MAST4: variants seen among roughly 807,000 people sequenced by gnomAD.
MAST4 encodes microtubule-associated serine/threonine-protein kinase 4.
Under a neutral mutation model 162.7 loss-of-function variants are expected in MAST4, and 89 were observed. The ratio of observed to expected loss-of-function variants is 0.55; its 90% confidence interval spans 0.46 to 0.65. The LOEUF is 0.65. Ranked by LOEUF, MAST4 falls within the 30% of genes least tolerant of loss-of-function variation. The probability of loss-of-function intolerance (pLI) is 0.00; values close to 1 mark genes in which losing one functional copy is unlikely to be tolerated. For missense variants in MAST4, 3,153 were observed against 3,374.0 expected (o/e 0.93, Z 1.62); for synonymous variants, 1,479 against 1,361.1 (o/e 1.09, Z -1.91).
intron 1 of MAST4, among the ~76,000 whole-genome samples, chr5:66,732,779 G>A (rs925640001): frequency 6.6e-6 from 1 of 152,216 alleles, no homozygotes; most frequent in Non-Finnish European, 1.5e-5. Context: ...AGGAAAATAA[G>A]TAGATTGGAT....
intron 4 of MAST4, among the ~76,000 whole-genome samples, chr5:66,952,313 C>T (rs1027277628): frequency 2.0e-5 from 3 of 152,170 alleles, no homozygotes; most frequent in Non-Finnish European, 4.4e-5. Flanking sequence ...GCCTTGCCCA[C>T]AGTGAACACT....
At chr5:67,032,850 A>G (rs970322826) in intron 4 of MAST4, among the ~76,000 whole-genome samples, 1 of 152,138 alleles carries the variant, frequency 6.6e-6, no homozygotes, top group African/African-American at 2.4e-5. Context: ...GTAACTACAA[A>G]TAACATCTAG....
chr5:67,133,657 G>T lies in MAST4; in HGVS notation c.2226+11G>T, dbSNP rs1174401375. The T allele has an allele frequency of 6.2e-7, 1 of 1,612,186 alleles. No homozygotes were observed. The highest frequency in any genetic ancestry group is 8.5e-7 in the Non-Finnish European group (1 of 1,178,862). ...TTCCTGGATAAACAGGTAAGCTTGG[G>T]TGCCATTTAGTTTATTGAGAAATAC... On this transcript the variant is annotated intron_variant, in intron 17 of 28. Coordinates refer to ENST00000403625, the MANE Select transcript of MAST4 (RefSeq NM_001164664.2).
At chr5:66,974,317 A>G (rs1747844374) in intron 4 of MAST4, among the ~76,000 whole-genome samples, 1 of 152,206 alleles carries the variant, frequency 6.6e-6, no homozygotes, top group Non-Finnish European at 1.5e-5. Flanking sequence ...GACCTCAACA[A>G]CTACTTGTTA....
At chr5:66,790,360 T>C (rs1755342323) in intron 3 of MAST4, among the ~76,000 whole-genome samples, 1 of 152,300 alleles carries the variant, frequency 6.6e-6, no homozygotes, top group South Asian at 2.1e-4. Context: ...AAAGAGGCAT[T>C]AAACAGTCTA....
chr5:66,908,962 A>T (rs1763561248), intron 4 of MAST4, among the ~76,000 whole-genome samples: 1 of 152,260 alleles, frequency 6.6e-6, no homozygotes, highest in Non-Finnish European at 1.5e-5. Flanking sequence ...TGTTTATGAC[A>T]GTACCTGGCA....
At chr5:66,919,896 CTCTCCTTCCT>C (rs1161150815) in intron 4 of MAST4, among the ~76,000 whole-genome samples, 1 of 146,914 alleles carries the variant, frequency 6.8e-6, no homozygotes, top group Non-Finnish European at 1.5e-5. Flanking sequence ...CTATTTTTCT[CTCTCCTTCCT>C]TCCTTCCTTC....
chr5:66,963,094 T>C (rs80340924), intron 4 of MAST4, among the ~76,000 whole-genome samples: 1 of 152,164 alleles, frequency 6.6e-6, no homozygotes, highest in African/African-American at 2.4e-5. Flanking sequence ...TAATGGTTCA[T>C]TGACAGTTGG....
intron 4 of MAST4, among the ~76,000 whole-genome samples, chr5:66,907,411 C>T (rs1250460097): frequency 2.0e-5 from 3 of 152,182 alleles, no homozygotes; most frequent in Admixed American, 6.5e-5. Flanking sequence ...GGTATTTCAG[C>T]CTCCAGGCTG....
intron 1 of MAST4, among the ~76,000 whole-genome samples, chr5:66,687,344 T>C (rs1580196735): frequency 6.6e-6 from 1 of 152,146 alleles, no homozygotes; most frequent in East Asian, 1.9e-4. Flanking sequence ...TGATTTTCTG[T>C]TTCTGAGTTA....
At chr5:66,983,158 A>G (rs935269799) in intron 4 of MAST4, among the ~76,000 whole-genome samples, 6 of 152,142 alleles carry the variant, frequency 3.9e-5, no homozygotes, top group East Asian at 1.9e-4. Context: ...CATCATACCT[A>G]TATGTACCTT....
rs1269522051 is a variant in MAST4, at chr5:66,963,798, T to C, written c.674+63816T>C. On this transcript the variant is annotated intron_variant, in intron 4 of 28. Coordinates refer to ENST00000403625, the MANE Select transcript of MAST4 (RefSeq NM_001164664.2). ...CTTTCACTTTTGGAGGTAAGCATGC[T>C]CCAGGGCCTGCCCAGGGCTGCTTTG... 10 of 779,648 alleles carry C rather than the reference T, an allele frequency of 1.3e-5. No individual in the cohort carries two copies. In the African/African-American group the frequency reaches 1.5e-4, roughly 12 times the overall value. 48.3% of individuals were successfully genotyped at this position (779,648 alleles called of 1,614,324 possible).
At chr5:66,879,977 G>C (rs1289278837) in intron 3 of MAST4, among the ~76,000 whole-genome samples, 1 of 152,174 alleles carries the variant, frequency 6.6e-6, no homozygotes, top group African/African-American at 2.4e-5. Context: ...ATGAGTCCTG[G>C]AAAAGATTAT....
chr5:66,789,523 G>T (rs1382884857), intron 3 of MAST4, among the ~76,000 whole-genome samples: 1 of 152,068 alleles, frequency 6.6e-6, no homozygotes, highest in African/African-American at 2.4e-5. Flanking sequence ...ATTTTTTAAT[G>T]GCTTATTTTT....
At chr5:67,159,715 C>A (rs1237108563) in intron 26 of MAST4, among the ~76,000 whole-genome samples, 2 of 152,186 alleles carry the variant, frequency 1.3e-5, no homozygotes, top group African/African-American at 2.4e-5. Context: ...ACTCCACGCT[C>A]AGTTCCATCC....
At chr5:66,617,611 T>C (rs192917994) in intron 1 of MAST4, among the ~76,000 whole-genome samples, 1 of 152,068 alleles carries the variant, frequency 6.6e-6, no homozygotes, top group East Asian at 1.9e-4. Context: ...AAATTGTGAG[T>C]GAAAATGAAA....
intron 5 of MAST4, 136 bp from the exon 6 acceptor site, chr5:67,090,026 G>C: frequency 4.8e-6 from 3 of 631,298 alleles, no homozygotes; most frequent in Admixed American, 2.3e-5. Context: ...CCCTGGTCCA[G>C]GTAAAACTAA....
At chr5:66,867,806 C>A (rs994350819) in intron 3 of MAST4, among the ~76,000 whole-genome samples, 1 of 152,208 alleles carries the variant, frequency 6.6e-6, no homozygotes, top group South Asian at 2.1e-4. Flanking sequence ...CAGTTTAGAG[C>A]CCTGTGGGGC....
At chr5:66,750,224 C>T (rs1465139373) in intron 1 of MAST4, among the ~76,000 whole-genome samples, 1 of 152,172 alleles carries the variant, frequency 6.6e-6, no homozygotes, top group Admixed American at 6.5e-5. Context: ...TCCCTTTGAA[C>T]TAATGAACTT....
Sources: allele counts gnomAD v4.1 joint callset (sites outside exome capture counted in the v4.1 genomes callset), GRCh38; gene constraint gnomAD v4.1.1; transcripts MANE v1.5; gene names NCBI Gene and HGNC (gene_info 2026-07-23, HGNC 2026-07-21).